The following SH3D19 variants were observed in gnomAD, a reference collection of about 807,000 sequenced individuals.
The protein encoded by SH3D19 is SH3 domain-containing protein 19.
Under a neutral mutation model 112.1 loss-of-function variants are expected in SH3D19, and 58 were observed. The ratio of observed to expected loss-of-function variants is 0.52; its 90% CI spans 0.42 to 0.64. SH3D19 has a LOEUF of 0.64. Among genes scored for constraint, SH3D19 ranks in the 30% least tolerant of loss-of-function variants. The pLI is 0.00. For missense variants in SH3D19, 1,090 were observed against 1,263.4 expected, an observed-to-expected ratio of 0.86 and a Z score of 2.08; for synonymous variants, 391 against 448.5, an observed-to-expected ratio of 0.87 and a Z score of 1.62.
intron 2 of SH3D19, among the ~76,000 whole-genome samples, chr4:151,225,197 C>T (rs1250264902): frequency 6.6e-6 from 1 of 152,062 alleles, no homozygotes; most frequent in African/African-American, 2.4e-5. Context: ...TTTGGCTTAC[C>T]AGAGCAGTCA....
At chr4:151,190,960 T>C (rs961413142) in intron 2 of SH3D19, among the ~76,000 whole-genome samples, 3 of 152,168 alleles carry the variant, frequency 2.0e-5, no homozygotes, top group Non-Finnish European at 2.9e-5. Flanking sequence ...GGGGAGGCTA[T>C]ACCCTGCAAA....
At chr4:151,179,262 T>C in intron 4 of SH3D19, 93 bp downstream of exon 4, 1 of 610,956 alleles carries the variant, frequency 1.6e-6, no homozygotes. Context: ...ATACATTGCT[T>C]ATGAAAGTGA....
At chr4:151,227,208 GA>G (rs1011134850) in intron 1 of SH3D19, among the ~76,000 whole-genome samples, 1 of 152,106 alleles carries the variant, frequency 6.6e-6, no homozygotes, top group Non-Finnish European at 1.5e-5. Flanking sequence ...TGTTAGAACA[GA>G]ATAAGAGGAT....
chr4:151,242,028 C>A (rs780269901), intron 1 of SH3D19, among the ~76,000 whole-genome samples: 1 of 151,306 alleles, frequency 6.6e-6, no homozygotes, highest in Non-Finnish European at 1.5e-5. Context: ...CCTGTCTCTA[C>A]AAAAAACAAA....
chr4:151,270,898 G>C (rs1255855040), intron 1 of SH3D19, among the ~76,000 whole-genome samples: 1 of 152,054 alleles, frequency 6.6e-6, no homozygotes, highest in Non-Finnish European at 1.5e-5. Context: ...AAAAGCCAAG[G>C]CCTGATATAC....
chr4:151,281,376 T>C (rs989971835), intron 1 of SH3D19, among the ~76,000 whole-genome samples: 5 of 152,166 alleles, frequency 3.3e-5, no homozygotes, highest in African/African-American at 9.7e-5. Flanking sequence ...AATGTTTACA[T>C]AGTCACAAGA....
At chr4:151,260,960 TTG>T (rs1772332055) in intron 1 of SH3D19, among the ~76,000 whole-genome samples, 2 of 152,192 alleles carry the variant, frequency 1.3e-5, no homozygotes, top group African/African-American at 4.8e-5. Context: ...TACTTTAAAA[TTG>T]TGTGTTTTCT....
chr4:151,307,014 CTTCTT>C (rs922178892), intron 1 of SH3D19, among the ~76,000 whole-genome samples: 7 of 125,238 alleles, frequency 5.6e-5, no homozygotes, highest in African/African-American at 2.1e-4. Flanking sequence ...CTAATGATGA[CTTCTT>C]TTTTTTTTTT....
chr4:151,216,938 G>A (rs1347982597), intron 2 of SH3D19, among the ~76,000 whole-genome samples: 3 of 142,380 alleles, frequency 2.1e-5, no homozygotes, highest in Admixed American at 7.1e-5. Context: ...TTCTCTGTAG[G>A]ATGACAAAAA....
At chr4:151,216,601 C>T (rs760754159) in intron 2 of SH3D19, among the ~76,000 whole-genome samples, 5 of 152,108 alleles carry the variant, frequency 3.3e-5, no homozygotes, top group African/African-American at 7.2e-5. Context: ...GTTCCATGCG[C>T]CCTGGACTGC....
At chr4:151,268,562 G>A (rs1287121081) in intron 1 of SH3D19, among the ~76,000 whole-genome samples, 1 of 147,798 alleles carries the variant, frequency 6.8e-6, no homozygotes, top group African/African-American at 2.5e-5. Context: ...TTTAGCATTA[G>A]GTATATCTCC....
intron 1 of SH3D19, among the ~76,000 whole-genome samples, chr4:151,320,720 A>G (rs1406384081): frequency 6.6e-6 from 1 of 151,542 alleles, no homozygotes; most frequent in Non-Finnish European, 1.5e-5. Context: ...GCTGTGGTAT[A>G]TATTTATACA....
intron 1 of SH3D19, among the ~76,000 whole-genome samples, chr4:151,307,842 TAA>T (rs1294332600): frequency 2.0e-5 from 3 of 152,238 alleles, no homozygotes; most frequent in African/African-American, 7.2e-5. Context: ...CTTGTGTACA[TAA>T]GAGTTCCAGT....
intron 2 of SH3D19, 40 bp from the exon 3 acceptor site, chr4:151,187,503 C>T: frequency 8.4e-7 from 1 of 1,190,230 alleles, no homozygotes; most frequent in Non-Finnish European, 1.1e-6. Context: ...TTCATTAATC[C>T]TTTTTGAAAA....
chr4:151,128,451 G>A, intron 17 of SH3D19, 95 bp from the exon 18 acceptor site: 1 of 996,206 alleles, frequency 1.0e-6, no homozygotes, highest in Non-Finnish European at 1.4e-6. Context: ...AAAAAACTAA[G>A]GGGTCTTAAG....
intron 1 of SH3D19, among the ~76,000 whole-genome samples, chr4:151,309,095 C>G (rs1729192595): frequency 6.6e-6 from 1 of 152,226 alleles, no homozygotes. Context: ...TCTTGAACTC[C>G]TGACCTCAAG....
chr4:151,134,952 T>C (rs1751500509), intron 15 of SH3D19, 122 bp downstream of exon 15: 2 of 726,514 alleles, frequency 2.8e-6, no homozygotes, highest in Non-Finnish European at 4.5e-6. Flanking sequence ...CCTCCCAAAG[T>C]ACTGGGATAC....
chr4:151,198,034 G>A (rs1011689673), intron 2 of SH3D19, among the ~76,000 whole-genome samples: 4 of 151,838 alleles, frequency 2.6e-5, no homozygotes, highest in South Asian at 2.1e-4. Context: ...GGCCAGGTGC[G>A]GTGGCTCATG....
intron 1 of SH3D19, among the ~76,000 whole-genome samples, chr4:151,255,229 A>G (rs1246598782): frequency 7.0e-6 from 1 of 143,524 alleles, no homozygotes. Context: ...CACTTCTCAG[A>G]CGGGGCGGCT....
Sources: gnomAD v4.1 joint callset for allele counts (sites outside exome capture counted in the v4.1 genomes callset) on GRCh38, gnomAD v4.1.1 for gene constraint, MANE v1.5 for transcripts, NCBI Gene and HGNC (gene_info 2026-07-23, HGNC 2026-07-21) for gene names.